Variants in B3GALT1 observed in about 807,000 individuals in gnomAD.
B3GALT1 encodes the protein UDP-Gal:betaGlcNAc beta 1,3-galactosyltransferase, polypeptide 1.
B3GALT1 carries 10 observed loss-of-function variants against 23.2 expected under a neutral mutation model. The ratio of observed to expected loss-of-function variants is 0.43; its 90% CI spans 0.27 to 0.73. The LOEUF (loss-of-function observed/expected upper bound fraction) is 0.73, where lower values mean the gene tolerates loss of function less well. Among genes scored for constraint, B3GALT1 ranks in the 30% least tolerant of loss-of-function variants. The probability of loss-of-function intolerance (pLI) is 0.21; values close to 1 mark genes in which losing one functional copy is unlikely to be tolerated. For synonymous variants in B3GALT1, 156 were observed against 141.5 expected (o/e 1.10, Z -0.73); for missense variants, 299 against 405.4 (o/e 0.74, Z 2.25).
At chr2:167,783,389 C>G (rs1285556262) in intron 3 of B3GALT1, among the ~76,000 whole-genome samples, 1 of 152,046 alleles carries the variant, frequency 6.6e-6, no homozygotes, top group African/African-American at 2.4e-5. Context: ...TTATTATTTC[C>G]TTGAGCCAAG....
chr2:167,538,257 G>C (rs1683464052), intron 2 of B3GALT1, among the ~76,000 whole-genome samples: 1 of 152,114 alleles, frequency 6.6e-6, no homozygotes. Flanking sequence ...ACAAGCAAAA[G>C]ATTTTAAACA....
At chr2:167,839,660 C>T (rs1312295370) in intron 4 of B3GALT1, among the ~76,000 whole-genome samples, 2 of 152,222 alleles carry the variant, frequency 1.3e-5, no homozygotes, top group Admixed American at 1.3e-4. Context: ...ACTTTCTTCA[C>T]AGAATTGGAA....
At chr2:167,349,686 C>T (rs765875136) in intron 1 of B3GALT1, among the ~76,000 whole-genome samples, 3 of 151,940 alleles carry the variant, frequency 2.0e-5, no homozygotes, top group East Asian at 1.9e-4. Flanking sequence ...TTAAATTTGT[C>T]GGTGGAAGAC....
chr2:167,342,722 A>G (rs909974987), intron 1 of B3GALT1, among the ~76,000 whole-genome samples: 1 of 151,276 alleles, frequency 6.6e-6, no homozygotes, highest in African/African-American at 2.4e-5. Context: ...CCTTTTCTGC[A>G]TTTTTTTTGT....
rs16853841 is a variant in B3GALT1 at position 167,598,694 on chromosome 2, G to C, written c.-409-48215G>C. On this transcript the variant is annotated intron_variant, in intron 2 of 4. Transcript: ENST00000392690. ...TCTCTAACACATTCTCATGTGATGT[G>C]TCCAGTATCAGTGGCTTGTGGAATA... 7.7e-3 allele frequency among the ~76,000 whole-genome samples: 1,174 copies of C among 152,260 alleles called. 15 individuals carry two copies. The highest frequency in any genetic ancestry group is 0.025 in the African/African-American group (1,021 of 41,536).
At chr2:167,776,680 C>T (rs1161702162) in intron 3 of B3GALT1, among the ~76,000 whole-genome samples, 2 of 152,168 alleles carry the variant, frequency 1.3e-5, no homozygotes, top group African/African-American at 4.8e-5. Flanking sequence ...TTCATGGGCC[C>T]CTGCCTTGAG....
In B3GALT1 at chr2:167,317,933, C is replaced by A. The variant is rs550943065; in HGVS notation, c.-511+24599C>A. ...AGCTAAATATAACCTGATACAAGTT[C>A]TGTGAGTATACCCAAGATCATTTGC... On this transcript the variant is annotated intron_variant, in intron 1 of 4. Coordinates refer to ENST00000392690, the MANE Select transcript of B3GALT1 (RefSeq NM_020981.4). 1.3e-4 allele frequency among the ~76,000 whole-genome samples: 20 copies of A among 152,246 alleles called. No individual in the cohort carries two copies. In the South Asian group the frequency reaches 3.9e-3, roughly 30 times the overall value.
chr2:167,583,215 C>T (rs1684519594), intron 2 of B3GALT1, among the ~76,000 whole-genome samples: 1 of 152,158 alleles, frequency 6.6e-6, no homozygotes, highest in Non-Finnish European at 1.5e-5. Context: ...TGTATTTTTC[C>T]TTTCTTTTCC....
intron 2 of B3GALT1, among the ~76,000 whole-genome samples, chr2:167,535,070 G>A (rs1432492284): frequency 1.3e-5 from 2 of 152,156 alleles, no homozygotes; most frequent in East Asian, 1.9e-4. Context: ...ATTTCACAAA[G>A]CCATGCTGTT....
At chr2:167,753,144 C>T (rs564832195) in intron 3 of B3GALT1, among the ~76,000 whole-genome samples, 1 of 152,260 alleles carries the variant, frequency 6.6e-6, no homozygotes, top group South Asian at 2.1e-4. Context: ...CAAATGCAAT[C>T]ATACACCTGA....
chr2:167,822,554 A>G (rs906169881), intron 4 of B3GALT1, among the ~76,000 whole-genome samples: 2 of 152,204 alleles, frequency 1.3e-5, no homozygotes, highest in Non-Finnish European at 2.9e-5. Flanking sequence ...AACCAAGACA[A>G]AGAGATTATT....
intron 2 of B3GALT1, among the ~76,000 whole-genome samples, chr2:167,559,674 C>A (rs527741833): frequency 6.6e-6 from 1 of 152,062 alleles, no homozygotes; most frequent in African/African-American, 2.4e-5. Context: ...GCCTCAGGAC[C>A]CAGTGCGATC....
chr2:167,767,481 C>T (rs976487020), intron 3 of B3GALT1, among the ~76,000 whole-genome samples: 3 of 152,298 alleles, frequency 2.0e-5, no homozygotes, highest in South Asian at 2.1e-4. Flanking sequence ...GATTGGGGCT[C>T]TTTTCAAACT....
At chr2:167,408,335 C>A (rs1698340525) in intron 1 of B3GALT1, among the ~76,000 whole-genome samples, 1 of 151,994 alleles carries the variant, frequency 6.6e-6, no homozygotes, top group Non-Finnish European at 1.5e-5. Flanking sequence ...TTACAAAAAG[C>A]CTCATCAAAA....
intron 1 of B3GALT1, among the ~76,000 whole-genome samples, chr2:167,349,053 A>G (rs1697267839): frequency 6.6e-6 from 1 of 152,236 alleles, no homozygotes; most frequent in South Asian, 2.1e-4. Flanking sequence ...GTATTGAAAT[A>G]TGAAATAAGT....
chr2:167,320,707 T>C (rs1001746513), intron 1 of B3GALT1, among the ~76,000 whole-genome samples: 2 of 152,126 alleles, frequency 1.3e-5, no homozygotes, highest in Non-Finnish European at 2.9e-5. Flanking sequence ...AAACTGATTA[T>C]CATTTGGCTA....
At chr2:167,552,964 G>A (rs551494245) in intron 2 of B3GALT1, among the ~76,000 whole-genome samples, 2 of 152,204 alleles carry the variant, frequency 1.3e-5, no homozygotes, top group African/African-American at 2.4e-5. Context: ...CTTAATAGGA[G>A]TTTTAATCAA....
At chr2:167,763,650 T>C (rs866999521) in intron 3 of B3GALT1, among the ~76,000 whole-genome samples, 5 of 125,974 alleles carry the variant, frequency 4.0e-5, no homozygotes, top group African/African-American at 1.5e-4. Flanking sequence ...GAGATTGCTC[T>C]ACTACACTCT....
chr2:167,314,722 G>C (rs1480971818), intron 1 of B3GALT1, among the ~76,000 whole-genome samples: 1 of 152,092 alleles, frequency 6.6e-6, no homozygotes, highest in Non-Finnish European at 1.5e-5. Context: ...CTTGGATGCA[G>C]ACATGTTTTG....
Sources: gnomAD v4.1 joint callset for allele counts (sites outside exome capture counted in the v4.1 genomes callset) on GRCh38, gnomAD v4.1.1 for gene constraint, MANE v1.5 for transcripts, NCBI Gene and HGNC (gene_info 2026-07-23, HGNC 2026-07-21) for gene names.